KHDRBS2: variants seen among roughly 807,000 people sequenced by gnomAD.
KHDRBS2 encodes the protein KH domain-containing, RNA-binding, signal transduction-associated protein 2.
In KHDRBS2, 26 loss-of-function variants were observed where a neutral mutation model predicts 44.3. The ratio of observed to expected loss-of-function variants is 0.59; its 90% CI spans 0.43 to 0.81. The LOEUF (loss-of-function observed/expected upper bound fraction) is 0.81. Ranked by LOEUF, KHDRBS2 falls within the 40% of genes least tolerant of loss-of-function variation. The probability of loss-of-function intolerance (pLI) is 0.00; values close to 1 mark genes in which losing one functional copy is unlikely to be tolerated. For missense variants in KHDRBS2, 476 were observed against 433.1 expected (o/e 1.10, Z -0.88); for synonymous variants, 194 against 151.1 (o/e 1.28, Z -2.08).
intron 4 of KHDRBS2, among the ~76,000 whole-genome samples, chr6:61,934,210 T>C (rs555688231): frequency 7.8e-4 from 119 of 152,312 alleles, no homozygotes; most frequent in Middle Eastern, 3.4e-3. Flanking sequence ...TAACCCCTTG[T>C]CAGATATATA....
rs1584423220 is a variant in KHDRBS2 at position 62,059,776 on chromosome 6, T to G, written c.220-11782A>C. On this transcript the variant is annotated intron_variant, in intron 2 of 8. Coordinates refer to ENST00000281156, the MANE Select transcript of KHDRBS2 (RefSeq NM_152688.4). ...GTAGTATTTCAAGTCATGAAATTGC[T>G]AAGGGAGAAGGATAGCATAGGAAAG... 2.0e-5 allele frequency among the ~76,000 whole-genome samples: 3 copies of G among 151,850 alleles called. No homozygotes were observed. In the South Asian group the frequency reaches 6.2e-4, roughly 32 times the overall value.
At chr6:61,953,983 C>T (rs971522867) in intron 4 of KHDRBS2, among the ~76,000 whole-genome samples, 2 of 152,106 alleles carry the variant, frequency 1.3e-5, no homozygotes, top group African/African-American at 2.4e-5. Context: ...GAAAAGGAAA[C>T]AGATGGTGAT....
At position 62,208,562 on chromosome 6, in the gene KHDRBS2, G is replaced by A. The variant is rs1009327451; in HGVS notation, c.92-31250C>T. Among the ~76,000 whole-genome samples, 25 of 152,234 alleles carry A rather than the reference G, an allele frequency of 1.6e-4. 1 individual carries two copies. In the East Asian group the frequency reaches 2.3e-3, roughly 14 times the overall value. ...AACATGGGAATGCAGATACCTTTAT[G>A]AGGTGGTTATTTCACCTCTTTTGGG... On this transcript the variant is annotated intron_variant, in intron 1 of 8. Transcript: ENST00000281156.
intron 2 of KHDRBS2, among the ~76,000 whole-genome samples, chr6:62,086,620 G>A (rs1052540899): frequency 1.3e-5 from 2 of 152,088 alleles, no homozygotes; most frequent in Admixed American, 6.6e-5. Flanking sequence ...CATAAATGAT[G>A]GTAATCTGTC....
At chr6:62,007,744 A>G (rs1162051367) in intron 3 of KHDRBS2, among the ~76,000 whole-genome samples, 1 of 152,104 alleles carries the variant, frequency 6.6e-6, no homozygotes, top group African/African-American at 2.4e-5. Context: ...GTCAACGAGG[A>G]GGCTTTTCAC....
chr6:62,170,952 C>CAAAA (rs34963723), intron 2 of KHDRBS2, among the ~76,000 whole-genome samples: 2 of 129,808 alleles, frequency 1.5e-5, no homozygotes, highest in African/African-American at 2.9e-5. Flanking sequence ...AAGATAAACG[C>CAAAA]AAAAAAAAAA....
the KHDRBS2 span, among the ~76,000 whole-genome samples, chr6:61,559,707 T>C: frequency 6.6e-6 from 1 of 152,174 alleles, no homozygotes; most frequent in African/African-American, 2.4e-5. Flanking sequence ...TTATAAAAAC[T>C]CTACACTTTA....
chr6:62,124,586 TACAC>T lies in KHDRBS2; in HGVS notation c.219+52595_219+52598del, dbSNP rs57845781. ...TCATGAAACCTTTTCTGAACTATACTACACACACACACACACACACACACACACA... is the reference window on the plus strand; with the variant it reads ...TCATGAAACCTTTTCTGAACTATACTACACACACACACACACACACACACA... On this transcript the variant is annotated intron_variant, in intron 2 of 8. Transcript: ENST00000281156. Among the ~76,000 whole-genome samples the T allele has an allele frequency of 7.2e-3, 1,045 of 145,086 alleles. 6 individuals are homozygous for T. Among genetic ancestry groups the T allele is most frequent in the East Asian group, 9.1e-3 (45 of 4,926 alleles).
At chr6:61,892,399 T>A (rs569153624) in intron 6 of KHDRBS2, among the ~76,000 whole-genome samples, 1 of 152,108 alleles carries the variant, frequency 6.6e-6, no homozygotes, top group Non-Finnish European at 1.5e-5. Flanking sequence ...TGGAAAAAAC[T>A]ACTTTAAAGT....
At position 61,697,245 on chromosome 6, in the gene KHDRBS2, T is replaced by G; in HGVS notation, c.902A>C (p.Glu301Ala). Reference protein sequence around the residue: ...SYATQTQSVPEYYDYGHGVSE... With the variant: ...SYATQTQSVPAYYDYGHGVSE... ...TACTCCATGACCGTAGTCATAGTAT[T>G]CAGGCACACTGCAACAAATTTAGAT... The change falls in exon 8 of 9, where the codon GAA becomes GCA. Residue 301 changes from glutamate to alanine, a missense_variant. Glu to Ala is a moderately radical substitution (Grantham distance 107). Coordinates refer to ENST00000281156, the MANE Select transcript of KHDRBS2 (RefSeq NM_152688.4). The G allele has an allele frequency of 6.2e-7, 1 of 1,602,928 alleles. No homozygotes were observed. The highest frequency in any genetic ancestry group is 8.5e-7 in the Non-Finnish European group (1 of 1,170,012).
At chr6:61,801,839 C>T (rs1786331449) in intron 6 of KHDRBS2, among the ~76,000 whole-genome samples, 1 of 152,150 alleles carries the variant, frequency 6.6e-6, no homozygotes, top group Admixed American at 6.6e-5. Context: ...CAATCAAATA[C>T]TAATCTTGCT....
intron 1 of KHDRBS2, among the ~76,000 whole-genome samples, chr6:62,216,016 T>C (rs1034305847): frequency 2.0e-5 from 3 of 151,782 alleles, no homozygotes; most frequent in Non-Finnish European, 4.4e-5. Flanking sequence ...TCTCATAATA[T>C]ATAGCTTTTA....
At chr6:61,639,483 C>T in the KHDRBS2 span, among the ~76,000 whole-genome samples, 2 of 152,010 alleles carry the variant, frequency 1.3e-5, no homozygotes, top group Non-Finnish European at 2.9e-5. Flanking sequence ...ATCCAACCTC[C>T]TCTTGAATTG....
the KHDRBS2 span, among the ~76,000 whole-genome samples, chr6:61,556,522 T>C: frequency 6.6e-6 from 1 of 152,308 alleles, no homozygotes; most frequent in South Asian, 2.1e-4. Flanking sequence ...TTCATTCTTC[T>C]TGAGAAAATG....
the KHDRBS2 span, chr6:61,574,254 T>A: frequency 1.9e-5 from 19 of 1,010,520 alleles, no homozygotes; most frequent in Admixed American, 4.0e-5. Context: ...CAGTGACATA[T>A]GTTTAACGGC....
Position 61,684,083 on chromosome 6 carries a change from A to C in KHDRBS2, c.953-3023T>G, listed in dbSNP as rs990478281. On this transcript the variant is annotated intron_variant, in intron 8 of 8. Coordinates refer to ENST00000281156, the MANE Select transcript of KHDRBS2 (RefSeq NM_152688.4). ...GTCCATCTTTATCTTTCCTAATATC[A>C]GAATGTTTATGTATAGTTACACATT... 3.9e-5 allele frequency among the ~76,000 whole-genome samples: 6 copies of C among 151,956 alleles called. No homozygotes were observed. In the East Asian group the frequency reaches 1.2e-3, roughly 30 times the overall value.
At chr6:62,011,302 T>C (rs1038169363) in intron 3 of KHDRBS2, among the ~76,000 whole-genome samples, 1 of 152,168 alleles carries the variant, frequency 6.6e-6, no homozygotes, top group African/African-American at 2.4e-5. Flanking sequence ...CAAGTAAAAG[T>C]ATTTACAAAT....
At chr6:61,697,779 T>G (rs1293145942) in intron 7 of KHDRBS2, among the ~76,000 whole-genome samples, 1 of 152,160 alleles carries the variant, frequency 6.6e-6, no homozygotes. Context: ...TTTCAATAAC[T>G]GTCAAAGGTG....
intron 6 of KHDRBS2, among the ~76,000 whole-genome samples, chr6:61,758,214 T>C (rs1778795503): frequency 1.3e-5 from 2 of 152,252 alleles, no homozygotes; most frequent in South Asian, 2.1e-4. Context: ...TTGTTTCCTG[T>C]CTCTCAGAGA....
Sources: allele counts gnomAD v4.1 joint callset (sites outside exome capture counted in the v4.1 genomes callset), GRCh38; gene constraint gnomAD v4.1.1; transcripts MANE v1.5; gene names NCBI Gene and HGNC (gene_info 2026-07-23, HGNC 2026-07-21).